DCDC2C: variants seen among roughly 807,000 people sequenced by gnomAD.
DCDC2C encodes the protein doublecortin domain-containing protein 2C.
In DCDC2C, 44 loss-of-function variants were observed where a neutral mutation model predicts 45.0. That is an observed-to-expected ratio of 0.98 (90% confidence interval 0.77 to 1.26). The LOEUF (loss-of-function observed/expected upper bound fraction) is 1.26, where lower values mean the gene tolerates loss of function less well. Among genes scored for constraint, DCDC2C ranks in the 50% most tolerant of loss-of-function variants. DCDC2C has a pLI of 0.00. For synonymous variants in DCDC2C, 187 were observed against 178.8 expected (o/e 1.05, Z -0.37); for missense variants, 447 against 468.9 (o/e 0.95, Z 0.43).
intron 10 of DCDC2C, among the ~76,000 whole-genome samples, chr2:3,846,301 A>G (rs1672328108): frequency 6.8e-6 from 1 of 146,528 alleles, no homozygotes. Flanking sequence ...TGTTCTTGTG[A>G]CAGGGTCTCA....
intron 8 of DCDC2C, among the ~76,000 whole-genome samples, chr2:3,773,375 AC>A (rs1243343267): frequency 5.3e-5 from 8 of 151,736 alleles, no homozygotes; most frequent in African/African-American, 1.9e-4. Flanking sequence ...CTTGGCATCC[AC>A]CCCTCCCCCA....
chr2:3,816,027 G>T (rs183279210), intron 10 of DCDC2C, among the ~76,000 whole-genome samples: 1 of 147,514 alleles, frequency 6.8e-6, no homozygotes, highest in Non-Finnish European at 1.5e-5. Flanking sequence ...GAGAGATAAC[G>T]GGTGATGCTT....
rs925862816 is a variant in DCDC2C, at chr2:3,732,433, A to AAT, written c.416+5365_416+5366dup. Among the ~76,000 whole-genome samples, 1,015 of 151,980 alleles carry AAT rather than the reference A, an allele frequency of 6.7e-3. 15 individuals carry two copies. Among genetic ancestry groups the AAT allele is most frequent in the African/African-American group, 0.023 (942 of 41,432 alleles). ...AATCATATCTATGTATATATGATAT[A>AAT]ATATATATATATTTAGCCATGAGAC... On this transcript the variant is annotated intron_variant, in intron 3 of 10. Transcript: ENST00000399143.
rs528911996 is a variant in DCDC2C, at chr2:3,708,568, C to G, written c.307C>G (p.Arg103Gly). ...TTGCAGTTATATTCATATAGTTCCC[C>G]GAAAACCTGCAAAGATAAGGAAGTT... ...KELDYIHIVP[R>G]KPAKIRKLKE... The change falls in exon 2 of 11, where the codon CGA (arginine) becomes GGA (glycine). Residue 103 changes from arginine to glycine, a missense_variant. Coordinates refer to ENST00000399143, the MANE Select transcript of DCDC2C (RefSeq NM_001287444.2). 3 of 1,547,684 alleles carry G rather than the reference C, an allele frequency of 1.9e-6. No individual in the cohort carries two copies. Among genetic ancestry groups the G allele is most frequent in the Non-Finnish European group, 2.6e-6 (3 of 1,145,534 alleles).
chr2:3,830,737 T>G (rs1018108358), intron 10 of DCDC2C, among the ~76,000 whole-genome samples: 3 of 152,106 alleles, frequency 2.0e-5, no homozygotes. Context: ...TGACTCACGG[T>G]GGGTGGTTGT....
At chr2:3,803,334 C>T (rs779952295) in intron 10 of DCDC2C, among the ~76,000 whole-genome samples, 6 of 152,150 alleles carry the variant, frequency 3.9e-5, no homozygotes, top group African/African-American at 7.2e-5. Flanking sequence ...CAGTGTGACA[C>T]GCCCTTGTTC....
At chr2:3,779,746 G>T (rs943459726) in intron 9 of DCDC2C, among the ~76,000 whole-genome samples, 1 of 151,438 alleles carries the variant, frequency 6.6e-6, no homozygotes, top group African/African-American at 2.4e-5. Context: ...GTAAACAGGC[G>T]GGGACACTCG....
chr2:3,817,670 G>A (rs1403356970), intron 10 of DCDC2C, among the ~76,000 whole-genome samples: 2 of 152,186 alleles, frequency 1.3e-5, no homozygotes, highest in Non-Finnish European at 2.9e-5. Context: ...GCTACAGGGT[G>A]CAGTCCTGGC....
rs569117971 is a variant in DCDC2C, at chr2:3,741,938, A to T, written c.435A>T (p.Arg145Ser). Residue 145 changes from arginine (R) to serine (S), a missense_variant, in exon 4 of 11, where the codon AGA becomes AGT. By Grantham distance (110) the Arg-to-Ser change is moderately radical (BLOSUM62 -1). Coordinates refer to ENST00000399143, the MANE Select transcript of DCDC2C (RefSeq NM_001287444.2). ...CTTACAGTGTTTTTACAAATGGAAG[A>T]TTATTTATTCCACCTGCAAAAATCA... ...SRHINVFTNG[R>S]LFIPPAKIII... 178 of 1,548,454 alleles carry T rather than the reference A, an allele frequency of 1.1e-4. No individual in the cohort carries two copies. The African/African-American group carries it at 2.3e-3, about 20-fold the overall frequency.
intron 10 of DCDC2C, among the ~76,000 whole-genome samples, chr2:3,790,935 C>T (rs998212508): frequency 3.9e-5 from 6 of 151,974 alleles, no homozygotes; most frequent in Non-Finnish European, 5.9e-5. Flanking sequence ...GGCGAAACCC[C>T]GTCTCTACTA....
rs186332021 is a variant in DCDC2C, at chr2:3,791,953, A to G, written c.1065+6853A>G. On this transcript the variant is annotated intron_variant, in intron 10 of 10. Coordinates refer to ENST00000399143, the MANE Select transcript of DCDC2C (RefSeq NM_001287444.2). ...AAGCTCGGTGTTCAGGGAGCACCCA[A>G]TTCCTCAGTAGCCTTTGGCCATTCA... 3.0e-4 allele frequency among the ~76,000 whole-genome samples: 46 copies of G among 152,036 alleles called. 2 individuals are homozygous for G. In the East Asian group the frequency reaches 8.4e-3, roughly 28 times the overall value.
chr2:3,797,258 C>CT (rs1372801046), intron 10 of DCDC2C, among the ~76,000 whole-genome samples: 1 of 152,090 alleles, frequency 6.6e-6, no homozygotes, highest in African/African-American at 2.4e-5. Flanking sequence ...ATTCTTCTCT[C>CT]TTTTTTTCTT....
rs555491554 is a variant in DCDC2C, at chr2:3,754,690, G to A, written c.726+56G>A. The stretch of plus-strand genomic sequence containing the variant: ...TTGTTTCTGATTCTGGCGTCTTCTG[G>A]CATTAACAAGGGCACAGCGCAGGGT... On this transcript the variant is annotated intron_variant, in intron 6 of 10. Transcript: ENST00000399143. 170 of 1,472,876 alleles carry A rather than the reference G, an allele frequency of 1.2e-4. 1 individual carries two copies. The African/African-American group carries it at 2.0e-3, about 18-fold the overall frequency. The allele number at this position is 1,472,876 out of a possible 1,614,324, so 91.2% of individuals were successfully genotyped here.
At chr2:3,807,177 A>G (rs1269232841) in intron 10 of DCDC2C, among the ~76,000 whole-genome samples, 1 of 152,028 alleles carries the variant, frequency 6.6e-6, no homozygotes, top group Non-Finnish European at 1.5e-5. Flanking sequence ...GTGGTTAAGG[A>G]GAGCCGGGAT....
chr2:3,757,608 G>A lies in DCDC2C; in HGVS notation c.726+2974G>A, dbSNP rs1436400378. ...GATTCATCTGGTCGTCCATGAGGCC[G>A]TGGTGAGGTGTTGGCAGCATGCTAA... On this transcript the variant is annotated intron_variant, in intron 6 of 10. Coordinates refer to ENST00000399143, the MANE Select transcript of DCDC2C (RefSeq NM_001287444.2). Among the ~76,000 whole-genome samples, 4 of 152,220 alleles carry A rather than the reference G, an allele frequency of 2.6e-5. No homozygotes were observed. In the South Asian group the frequency reaches 6.2e-4, roughly 24 times the overall value.
chr2:3,843,856 C>G (rs1672269114), intron 10 of DCDC2C, among the ~76,000 whole-genome samples: 1 of 152,128 alleles, frequency 6.6e-6, no homozygotes, highest in Non-Finnish European at 1.5e-5. Flanking sequence ...CTGATGGTAC[C>G]TCATCATATT....
At chr2:3,832,722 C>T (rs1255561591) in intron 10 of DCDC2C, among the ~76,000 whole-genome samples, 2 of 152,174 alleles carry the variant, frequency 1.3e-5, no homozygotes, top group Non-Finnish European at 1.5e-5. Context: ...ATTTAAATGC[C>T]TCTGATGGTG....
chr2:3,729,479 C>T lies in DCDC2C; in HGVS notation c.416+2400C>T, dbSNP rs117683161. On this transcript the variant is annotated intron_variant, in intron 3 of 10. Coordinates refer to ENST00000399143, the MANE Select transcript of DCDC2C (RefSeq NM_001287444.2). The stretch of plus-strand genomic sequence containing the variant: ...CTGATTTGTGTGGAAGTGATTTGGG[C>T]GTTTTAAAGGGGGAATGAGATGGGA... Among the ~76,000 whole-genome samples, 695 of 152,212 alleles carry T rather than the reference C, an allele frequency of 4.6e-3. 19 individuals are homozygous for T. The East Asian group carries it at 0.09, about 20-fold the overall frequency.
At chr2:3,716,472 A>T (rs533220724) in intron 2 of DCDC2C, among the ~76,000 whole-genome samples, 1 of 152,310 alleles carries the variant, frequency 6.6e-6, no homozygotes, top group East Asian at 1.9e-4. Context: ...GGATTTAGTA[A>T]TATGGAGGTC....
Sources: allele counts gnomAD v4.1 joint callset (sites outside exome capture counted in the v4.1 genomes callset), GRCh38; gene constraint gnomAD v4.1.1; transcripts MANE v1.5; gene names NCBI Gene and HGNC (gene_info 2026-07-23, HGNC 2026-07-21).